The following FHIT variants were observed in gnomAD, a reference collection of about 807,000 sequenced individuals.
FHIT encodes bis(5'-adenosyl)-triphosphatase.
FHIT carries 19 observed loss-of-function variants against 17.9 expected under a neutral mutation model. That is an observed-to-expected ratio of 1.06 (90% CI 0.74 to 1.56). The LOEUF is 1.56. FHIT is among the 40% of genes most tolerant of loss of function. FHIT has a pLI of 0.00. For missense variants in FHIT, 248 were observed against 189.2 expected, an observed-to-expected ratio of 1.31 and a Z score of -1.82; for synonymous variants, 81 against 69.7, an observed-to-expected ratio of 1.16 and a Z score of -0.81.
At chr3:60,690,467 C>T (rs2040960875) in intron 4 of FHIT, 8 of 572,690 alleles carry the variant, frequency 1.4e-5, no homozygotes, top group South Asian at 9.6e-5. Flanking sequence ...AAGTTCTCGT[C>T]ATCAAATTTC....
At chr3:60,447,719 T>A (rs2107355755) in intron 5 of FHIT, among the ~76,000 whole-genome samples, 1 of 152,254 alleles carries the variant, frequency 6.6e-6, no homozygotes, top group Non-Finnish European at 1.5e-5. Flanking sequence ...AGATGGAGAA[T>A]GTTGCTGACA....
Position 60,037,412 on chromosome 3 carries a change from G to A in FHIT, c.104-23260C>T, listed in dbSNP as rs534827278. 6.1e-5 allele frequency among the ~76,000 whole-genome samples: 9 copies of A among 148,112 alleles called. No individual in the cohort carries two copies. In the South Asian group the frequency reaches 1.1e-3, roughly 18 times the overall value. The stretch of plus-strand genomic sequence containing the variant: ...TTTCTTTTTTTTTTTTTTTTGAGAC[G>A]GAGTCTTGCTCTGTCGCCCGAGTGC... On this transcript the variant is annotated intron_variant, in intron 5 of 9. Transcript: ENST00000492590.
intron 2 of FHIT, among the ~76,000 whole-genome samples, chr3:61,075,511 A>C (rs961794210): frequency 7.9e-5 from 12 of 152,258 alleles, no homozygotes; most frequent in Admixed American, 7.2e-4. Context: ...GCATAGAAAC[A>C]AAATTAAAAA....
At chr3:60,869,619 A>G (rs1249826685) in intron 3 of FHIT, among the ~76,000 whole-genome samples, 1 of 152,154 alleles carries the variant, frequency 6.6e-6, no homozygotes, top group Non-Finnish European at 1.5e-5. Context: ...AATTCAAACA[A>G]CTTTTGCCAC....
chr3:60,667,309 T>C (rs546921946), intron 4 of FHIT, among the ~76,000 whole-genome samples: 4 of 152,220 alleles, frequency 2.6e-5, no homozygotes, highest in African/African-American at 9.6e-5. Flanking sequence ...TTTTGGTCTA[T>C]TGCTCTGATT....
chr3:59,899,136 C>G (rs1344651938), intron 8 of FHIT, among the ~76,000 whole-genome samples: 1 of 152,184 alleles, frequency 6.6e-6, no homozygotes, highest in South Asian at 2.1e-4. Flanking sequence ...GGACCTTGGG[C>G]AACTGACATA....
At chr3:60,464,922 G>A (rs867013513) in intron 5 of FHIT, among the ~76,000 whole-genome samples, 156 of 152,154 alleles carry the variant, frequency 1.0e-3, no homozygotes, top group Middle Eastern at 3.4e-3. Context: ...AGTCTTTTGA[G>A]TAACCTCCAA....
chr3:60,338,968 T>C (rs1222645661), intron 5 of FHIT, among the ~76,000 whole-genome samples: 1 of 152,102 alleles, frequency 6.6e-6, no homozygotes, highest in African/African-American at 2.4e-5. Flanking sequence ...TAACAAGGCC[T>C]CCTTTACAGA....
At chr3:60,371,828 C>T (rs1168187109) in intron 5 of FHIT, among the ~76,000 whole-genome samples, 3 of 127,242 alleles carry the variant, frequency 2.4e-5, no homozygotes, top group Non-Finnish European at 4.7e-5. Flanking sequence ...CTCATTTTAG[C>T]AGATTTTTGT....
intron 3 of FHIT, among the ~76,000 whole-genome samples, chr3:60,930,313 C>T (rs1284913974): frequency 1.3e-5 from 2 of 152,142 alleles, no homozygotes; most frequent in African/African-American, 2.4e-5. Context: ...TGGGCAAGGA[C>T]TTCATGTCTA....
intron 2 of FHIT, among the ~76,000 whole-genome samples, chr3:61,121,254 A>G (rs772937503): frequency 4.6e-5 from 7 of 152,138 alleles, no homozygotes; most frequent in Non-Finnish European, 7.3e-5. Context: ...CGCCACAAAT[A>G]TATTCCTCGA....
At chr3:60,482,497 C>A (rs75331268) in intron 5 of FHIT, among the ~76,000 whole-genome samples, 1 of 152,144 alleles carries the variant, frequency 6.6e-6, no homozygotes, top group Non-Finnish European at 1.5e-5. Flanking sequence ...ACAGTGCAAT[C>A]AAATTAGAAC....
intron 4 of FHIT, among the ~76,000 whole-genome samples, chr3:60,744,263 C>CAAAAAAAAAAAAAAAAAAA (rs1201886354): frequency 9.3e-5 from 8 of 85,980 alleles, no homozygotes; most frequent in Non-Finnish European, 1.4e-4. Context: ...AAAAACAAAA[C>CAAAAAAAAAAAAAAAAAAA]AAAACAAAAA....
chr3:60,904,129 C>T (rs1706266259), intron 3 of FHIT, among the ~76,000 whole-genome samples: 1 of 152,182 alleles, frequency 6.6e-6, no homozygotes, highest in Admixed American at 6.5e-5. Context: ...GACATTTCAT[C>T]TATTTAGATT....
chr3:60,794,373 A>AATGG (rs34723569), intron 4 of FHIT, among the ~76,000 whole-genome samples: 27,237 of 149,494 alleles, frequency 0.18, 2,564 homozygotes, highest in Admixed American at 0.2. Context: ...GGGAAGGAAA[A>AATGG]ATGGATGGAT....
intron 8 of FHIT, among the ~76,000 whole-genome samples, chr3:59,753,121 C>G (rs1209780009): frequency 6.8e-6 from 1 of 148,062 alleles, no homozygotes; most frequent in Non-Finnish European, 1.5e-5. Context: ...GGTTTACCTC[C>G]TACTCTCTTT....
rs1215334860 is a variant in FHIT, at chr3:60,613,810, C to T, written c.-17-76831G>A. On this transcript the variant is annotated intron_variant, in intron 4 of 9. Coordinates refer to ENST00000492590, the MANE Select transcript of FHIT (RefSeq NM_002012.4). ...AGTAGCTTCTCCCCATGCAACATAT[C>T]ACACAGGTGTCTTGGAGGGACAAAG... Among the ~76,000 whole-genome samples the T allele has an allele frequency of 2.0e-5, 3 of 152,052 alleles. No individual in the cohort carries two copies. The East Asian group carries it at 5.8e-4, about 29-fold the overall frequency.
chr3:60,045,420 C>T (rs943418534), intron 5 of FHIT, among the ~76,000 whole-genome samples: 1 of 151,928 alleles, frequency 6.6e-6, no homozygotes, highest in South Asian at 2.1e-4. Flanking sequence ...GGGAAACTCC[C>T]CCTTACAAAA....
intron 5 of FHIT, among the ~76,000 whole-genome samples, chr3:60,071,235 CTT>C (rs1559604352): frequency 6.6e-6 from 1 of 152,092 alleles, no homozygotes; most frequent in African/African-American, 2.4e-5. Flanking sequence ...ATTTCAAACA[CTT>C]AGTACAAGGG....
Sources: allele counts gnomAD v4.1 joint callset (sites outside exome capture counted in the v4.1 genomes callset), GRCh38; gene constraint gnomAD v4.1.1; transcripts MANE v1.5; gene names NCBI Gene and HGNC (gene_info 2026-07-23, HGNC 2026-07-21).